Variants in USP31 observed in about 807,000 individuals in gnomAD.
USP31 encodes the protein ubiquitin carboxyl-terminal hydrolase 31.
In USP31, 44 loss-of-function variants were observed where a neutral mutation model predicts 119.4. That is an observed-to-expected ratio of 0.37 (90% confidence interval 0.29 to 0.47). The LOEUF (loss-of-function observed/expected upper bound fraction) is 0.47. USP31 is among the 20% of genes least tolerant of loss of function. The pLI, the probability that USP31 is intolerant of heterozygous loss-of-function variation, is 0.99. For missense variants in USP31, 1,643 were observed against 1,730.2 expected, an observed-to-expected ratio of 0.95 and a Z score of 0.89; for synonymous variants, 749 against 705.6, an observed-to-expected ratio of 1.06 and a Z score of -0.97.
intron 7 of USP31, among the ~76,000 whole-genome samples, chr16:23,089,316 T>C (rs1326609246): frequency 6.6e-6 from 1 of 152,134 alleles, no homozygotes; most frequent in Admixed American, 6.5e-5. Context: ...CCTCCCACCA[T>C]CACACTCTAT....
chr16:23,117,072 A>G (rs1011418389), intron 1 of USP31, among the ~76,000 whole-genome samples: 1 of 152,246 alleles, frequency 6.6e-6, no homozygotes, highest in Non-Finnish European at 1.5e-5. Flanking sequence ...AAATGCTCCA[A>G]TGAGCATTTC....
At chr16:23,082,297 C>CA in intron 12 of USP31, 141 bp downstream of exon 12, 1 of 1,144,808 alleles carries the variant, frequency 8.7e-7, no homozygotes, top group Non-Finnish European at 1.2e-6. Flanking sequence ...AACACAGGGG[C>CA]AAAAGTGTGT....
chr16:23,072,146 C>T lies in USP31; in HGVS notation c.2387G>A (p.Ser796Asn), dbSNP rs1900373085. The T allele has an allele frequency of 1.2e-6, 2 of 1,611,776 alleles. No homozygotes were observed. Among genetic ancestry groups the T allele is most frequent in the South Asian group, 1.1e-5 (1 of 91,092 alleles). Reference protein sequence around the residue: ...CEHWVSRLPGSKPASVTSAAS... With the variant: ...CEHWVSRLPGNKPASVTSAAS... ...TGCAGAGGTCACGCTGGCTGGCTTG[C>T]TGCCCGGGAGCCGGCTCACCCAGTG... is the stretch of plus-strand genomic sequence containing the variant. Residue 796 changes from serine to asparagine, a missense_variant, in exon 15 of 16, where the codon AGC (serine) becomes AAC (asparagine). This residue lies in a region of USP31 where 279 missense variants were observed against 372.2 expected (regional missense o/e 0.75). Coordinates refer to ENST00000219689, the MANE Select transcript of USP31 (RefSeq NM_020718.4).
In USP31 at chr16:23,068,881, C is replaced by A; in HGVS notation, c.3224G>T (p.Ser1075Ile). 6.3e-7 allele frequency: 1 copy of A among 1,595,216 alleles called. No homozygotes were observed. Reference protein sequence around the residue: ...KVSLKPSRSRSKADSSSRGSG... With the variant: ...KVSLKPSRSRIKADSSSRGSG... ...GCCCCTGGAAGAAGAATCTGCTTTG[C>A]TGCGGGAGCGGGAGGGCTTTAGAGA... The change falls in exon 16 of 16, where the codon AGC becomes ATC. Residue 1075 changes from serine to isoleucine, a missense_variant. Transcript: ENST00000219689.
At chr16:23,113,814 G>A (rs1902399626) in intron 1 of USP31, among the ~76,000 whole-genome samples, 1 of 152,112 alleles carries the variant, frequency 6.6e-6, no homozygotes. Flanking sequence ...GAATAAAGAT[G>A]ATTCTTCAGG....
chr16:23,089,610 G>C (rs1901263326), intron 7 of USP31, among the ~76,000 whole-genome samples: 2 of 152,214 alleles, frequency 1.3e-5, no homozygotes, highest in South Asian at 2.1e-4. Context: ...ATTTTCAAAG[G>C]CTAACATAAA....
chr16:23,069,292 C>T lies in USP31; in HGVS notation c.2813G>A (p.Gly938Asp). The T allele has an allele frequency of 1.2e-6, 2 of 1,610,780 alleles. No homozygotes were observed. Among genetic ancestry groups the T allele is most frequent in the Non-Finnish European group, 1.7e-6 (2 of 1,178,410 alleles). ...SHSRREHKAV[G>D]RAPLAVMEGV... is the part of the protein sequence containing the mutation. The stretch of plus-strand genomic sequence containing the variant: ...TTCCATGACAGCCAGAGGGGCCCGG[C>T]CCACAGCCTTGTGCTCACGGCGACT... Residue 938 changes from glycine (G) to aspartate (D), a missense_variant, in exon 16 of 16, where the codon GGC (glycine) becomes GAC (aspartate). Gly to Asp is a moderately conservative substitution (Grantham distance 94, BLOSUM62 -1). Around this residue, in one of 5 missense-constraint regions of USP31, gnomAD observed 699 missense variants for 650.9 expected, o/e 1.07. Coordinates refer to ENST00000219689, the MANE Select transcript of USP31 (RefSeq NM_020718.4).
At chr16:23,072,615 T>C (rs1210349252) in intron 14 of USP31, 1 of 462,862 alleles carries the variant, frequency 2.2e-6, no homozygotes, top group Admixed American at 3.8e-5. Context: ...TGCGGCAGTA[T>C]ACTCTTTTTC....
At chr16:23,128,453 G>T (rs1384218151) in intron 1 of USP31, among the ~76,000 whole-genome samples, 1 of 152,106 alleles carries the variant, frequency 6.6e-6, no homozygotes, top group Non-Finnish European at 1.5e-5. Context: ...TTAAACCCAT[G>T]AGCTCATAAG....
At chr16:23,104,449 A>T (rs1045852364) in intron 5 of USP31, among the ~76,000 whole-genome samples, 1 of 152,248 alleles carries the variant, frequency 6.6e-6, no homozygotes, top group African/African-American at 2.4e-5. Flanking sequence ...ACACCACCGA[A>T]GCCTCGCTCC....
At chr16:23,099,091 T>G (rs1422637500) in intron 6 of USP31, among the ~76,000 whole-genome samples, 3 of 151,990 alleles carry the variant, frequency 2.0e-5, no homozygotes, top group Admixed American at 2.0e-4. Context: ...AGGGCTAATA[T>G]CCAGAATCTA....
rs770274515 is a variant in USP31 at position 23,084,975 on chromosome 16, G to A, written c.1715C>T (p.Thr572Ile). The A allele has an allele frequency of 6.2e-7, 1 of 1,613,898 alleles. No individual in the cohort carries two copies. The highest frequency in any genetic ancestry group is 1.7e-5 in the Admixed American group (1 of 59,992). ...TGCATCAGGAATATACTCATCCTCAGTATTTACAAATAAGCTGCAATTAGG... is the reference window on the plus strand; with the variant it reads ...TGCATCAGGAATATACTCATCCTCAATATTTACAAATAAGCTGCAATTAGG... The part of the protein sequence containing the change: ...KETRDFLFVN[T>I]EDEYIPDAES... The change falls in exon 11 of 16, where the codon ACT (threonine) becomes ATT (isoleucine). Residue 572 changes from threonine to isoleucine, a missense_variant. By Grantham distance (89) the Thr-to-Ile change is moderately conservative (BLOSUM62 -1). Around this residue, in one of 5 missense-constraint regions of USP31, gnomAD observed 279 missense variants for 372.2 expected, o/e 0.75. Coordinates refer to ENST00000219689, the MANE Select transcript of USP31 (RefSeq NM_020718.4).
chr16:23,098,087 C>T (rs1485708017), intron 6 of USP31, among the ~76,000 whole-genome samples: 3 of 152,106 alleles, frequency 2.0e-5, no homozygotes, highest in East Asian at 3.9e-4. Context: ...TCGTCTCAGC[C>T]CAAAATCTCC....
rs1326800910 is a variant in USP31, at chr16:23,061,643, G to A, written c.*6403C>T. On this transcript the variant is annotated 3_prime_UTR_variant, in exon 16 of 16. Transcript: ENST00000219689. Reference sequence around the variant, plus strand: ...GTTCTAAAATAAATTTAAAATGTACGATACACTTTTCTTCCAGCCTCTAGG... The same window carrying A: ...GTTCTAAAATAAATTTAAAATGTACAATACACTTTTCTTCCAGCCTCTAGG... 1.3e-5 allele frequency: 2 copies of A among 152,580 alleles called. No homozygotes were observed. The highest frequency in any genetic ancestry group is 2.4e-5 in the African/African-American group (1 of 41,438). 9.5% of individuals were successfully genotyped at this position (152,580 alleles called of 1,614,324 possible).
intron 12 of USP31, among the ~76,000 whole-genome samples, chr16:23,081,067 CT>C (rs1900799655): frequency 6.6e-6 from 1 of 152,180 alleles, no homozygotes; most frequent in South Asian, 2.1e-4. Flanking sequence ...AACAAAATGT[CT>C]GAACCAGCAC....
intron 11 of USP31, among the ~76,000 whole-genome samples, chr16:23,084,542 T>G (rs371434603): frequency 6.6e-6 from 1 of 152,200 alleles, no homozygotes; most frequent in African/African-American, 2.4e-5. Flanking sequence ...AGAATCACTG[T>G]TTAAGTTACT....
intron 1 of USP31, among the ~76,000 whole-genome samples, chr16:23,108,655 A>G (rs1002716515): frequency 6.6e-6 from 1 of 152,230 alleles, no homozygotes; most frequent in Non-Finnish European, 1.5e-5. Context: ...TTCTTGTAAA[A>G]ATCATTTAGG....
chr16:23,149,429 G>GGCGGGGCCA lies in USP31; in HGVS notation c.-168_-160dup, dbSNP rs1289494186. Among the ~76,000 whole-genome samples the GGCGGGGCCA allele has an allele frequency of 6.8e-6, 1 of 148,102 alleles. No individual in the cohort carries two copies. Among genetic ancestry groups the GGCGGGGCCA allele is most frequent in the Non-Finnish European group, 1.5e-5 (1 of 66,300 alleles). The stretch of plus-strand genomic sequence containing the variant: ...CCGAGCCAGCGAGCGAGCGGCGGCC[G>GGCGGGGCCA]GCGGGGCCAGCGGGCGCGCGCGCGG... On this transcript the variant is annotated 5_prime_UTR_variant, in exon 1 of 16. Transcript: ENST00000219689.
chr16:23,104,927 T>C (rs959492120), intron 5 of USP31, among the ~76,000 whole-genome samples: 3 of 152,206 alleles, frequency 2.0e-5, no homozygotes, highest in African/African-American at 7.2e-5. Flanking sequence ...GGCACAACTT[T>C]CCTTTCTCTT....
Sources: gnomAD v4.1 joint callset for allele counts (sites outside exome capture counted in the v4.1 genomes callset) on GRCh38, gnomAD v4.1.1 for gene constraint, gnomAD v4.1.1 regional missense constraint, MANE v1.5 for transcripts, NCBI Gene and HGNC (gene_info 2026-07-23, HGNC 2026-07-21) for gene names.